The following TTC7B variants were observed in gnomAD, a reference collection of about 807,000 sequenced individuals.
TTC7B encodes the protein tetratricopeptide repeat protein 7B.
In TTC7B, 28 loss-of-function variants were observed where a neutral mutation model predicts 106.8. The ratio of observed to expected loss-of-function variants is 0.26; its 90% CI spans 0.19 to 0.36. TTC7B has a LOEUF of 0.36. Ranked by LOEUF, TTC7B falls within the 10% of genes least tolerant of loss-of-function variation. The pLI is 1.00. For missense variants in TTC7B, 862 were observed against 1,076.4 expected (o/e 0.80, Z 2.79); for synonymous variants, 405 against 430.6 (o/e 0.94, Z 0.74).
intron 5 of TTC7B, among the ~76,000 whole-genome samples, chr14:90,716,964 C>A (rs571394743): frequency 6.6e-6 from 1 of 152,220 alleles, no homozygotes; most frequent in East Asian, 1.9e-4. Flanking sequence ...CCTGGAGAAC[C>A]ATCACCAGAA....
At chr14:90,619,278 A>G (rs1336534681) in intron 15 of TTC7B, among the ~76,000 whole-genome samples, 1 of 151,996 alleles carries the variant, frequency 6.6e-6, no homozygotes, top group Non-Finnish European at 1.5e-5. Flanking sequence ...TCTGTATCTC[A>G]TCGTTTAAGG....
chr14:90,706,987 AT>A (rs766649107), intron 5 of TTC7B, among the ~76,000 whole-genome samples: 19 of 152,216 alleles, frequency 1.2e-4, no homozygotes, highest in Admixed American at 2.6e-4. Context: ...TTCCAATTTG[AT>A]TATTCAAATT....
chr14:90,804,719 C>A (rs567544836), intron 1 of TTC7B, among the ~76,000 whole-genome samples: 1 of 152,218 alleles, frequency 6.6e-6, no homozygotes, highest in Non-Finnish European at 1.5e-5. Context: ...GGTCCCAGGG[C>A]TTGGCACCTG....
chr14:90,780,654 G>A, intron 3 of TTC7B, 84 bp downstream of exon 3: 1 of 1,486,362 alleles, frequency 6.7e-7, no homozygotes, highest in East Asian at 2.3e-5. Context: ...CACCAGCCAA[G>A]GGCCAAGGGT....
At position 90,757,650 on chromosome 14, in the gene TTC7B, T is replaced by A. The variant is rs1890347424; in HGVS notation, c.446-12728A>T. Among the ~76,000 whole-genome samples the A allele has an allele frequency of 6.6e-6, 1 of 152,140 alleles. No individual in the cohort carries two copies. Among genetic ancestry groups the A allele is most frequent in the Admixed American group, 6.5e-5 (1 of 15,284 alleles). Reference sequence around the variant, plus strand: ...ACACAGCTCCCAACAGACTGGAGACTTTTTCTGCCGGGGAAAAGGCAATGT... The same window carrying A: ...ACACAGCTCCCAACAGACTGGAGACATTTTCTGCCGGGGAAAAGGCAATGT... On this transcript the variant is annotated intron_variant, in intron 3 of 19. Coordinates refer to ENST00000328459, the MANE Select transcript of TTC7B (RefSeq NM_001010854.2). The surrounding 1 kb of genome is among the most constrained non-coding windows in gnomAD (Gnocchi z 4.1).
intron 19 of TTC7B, among the ~76,000 whole-genome samples, chr14:90,561,196 C>T (rs181206578): frequency 1.3e-5 from 2 of 152,310 alleles, no homozygotes; most frequent in Non-Finnish European, 2.9e-5. Flanking sequence ...TGAAGAAAGA[C>T]GCGGCATCAC....
chr14:90,637,805 C>T (rs1011953439), intron 15 of TTC7B, among the ~76,000 whole-genome samples: 4 of 152,172 alleles, frequency 2.6e-5, no homozygotes, highest in African/African-American at 9.7e-5. Context: ...AATCTGCTAT[C>T]GTTTCATCAT....
chr14:90,722,387 A>T (rs1464979758), intron 5 of TTC7B, among the ~76,000 whole-genome samples: 2 of 152,282 alleles, frequency 1.3e-5, no homozygotes, highest in East Asian at 1.9e-4. Context: ...CTCTGGTGGC[A>T]CTAGATTCCT....
chr14:90,689,818 C>G, intron 6 of TTC7B, 106 bp from the exon 7 acceptor site: 2 of 1,251,154 alleles, frequency 1.6e-6, no homozygotes, highest in Non-Finnish European at 2.1e-6. Context: ...CTAAGCACTA[C>G]TGCAAGGCTC....
chr14:90,651,077 A>G (rs530556301), intron 13 of TTC7B, among the ~76,000 whole-genome samples: 1 of 152,368 alleles, frequency 6.6e-6, no homozygotes, highest in African/African-American at 2.4e-5. Flanking sequence ...TGGGGAGAAT[A>G]TTTAAAACAA....
Position 90,577,281 on chromosome 14 carries a change from G to A in TTC7B, c.2310+825C>T, listed in dbSNP as rs192287084. On this transcript the variant is annotated intron_variant, in intron 19 of 19. Transcript: ENST00000328459. This position sits in a 1 kb window ranked among gnomAD's most constrained non-coding sequence, Gnocchi z 5.0. ...AGCTCCTCAGACCCTGGTAACTTGT[G>A]AGTTTCAATTCAGACCCTCGCAGGA... is the stretch of plus-strand genomic sequence containing the variant. Among the ~76,000 whole-genome samples, 2 of 152,356 alleles carry A rather than the reference G, an allele frequency of 1.3e-5. No homozygotes were observed. The highest frequency in any genetic ancestry group is 2.4e-5 in the African/African-American group (1 of 41,582).
In TTC7B at chr14:90,816,388, GGGCTCC is replaced by G. The variant is rs1243086453; in HGVS notation, c.-99_-94del. 14 of 687,326 alleles carry G rather than the reference GGGCTCC, an allele frequency of 2.0e-5. No homozygotes were observed. The highest frequency in any genetic ancestry group is 2.5e-5 in the Non-Finnish European group (14 of 561,278). 42.6% of individuals were successfully genotyped at this position (687,326 alleles called of 1,614,324 possible). On this transcript the variant is annotated 5_prime_UTR_variant, in exon 1 of 20. Transcript: ENST00000328459. The stretch of plus-strand genomic sequence containing the variant: ...CGCCTCCCGCCGCCGCCGCGGGCTC[GGGCTCC>G]GGCTCCCGGCTCCGCGGCGTAACGG...
In TTC7B at chr14:90,577,180, A is replaced by C. The variant is rs1402729933; in HGVS notation, c.2310+926T>G. 6.6e-6 allele frequency among the ~76,000 whole-genome samples: 1 copy of C among 152,202 alleles called. No homozygotes were observed. The highest frequency in any genetic ancestry group is 1.9e-4 in the East Asian group (1 of 5,190). Reference sequence around the variant, plus strand: ...GCGGTTCATGACATCAGCGATGTCTACTGCTAAAAATGAAACAACAATTCA... The same window carrying C: ...GCGGTTCATGACATCAGCGATGTCTCCTGCTAAAAATGAAACAACAATTCA... On this transcript the variant is annotated intron_variant, in intron 19 of 19. Transcript: ENST00000328459. The surrounding 1 kb of genome is among the most constrained non-coding windows in gnomAD (Gnocchi z 5.0).
intron 5 of TTC7B, among the ~76,000 whole-genome samples, chr14:90,711,401 A>G (rs1013433096): frequency 6.6e-6 from 1 of 152,218 alleles, no homozygotes; most frequent in African/African-American, 2.4e-5. Flanking sequence ...TTAAAGATAT[A>G]TATTATAATC....
At chr14:90,636,429 A>T (rs1884946837) in intron 15 of TTC7B, among the ~76,000 whole-genome samples, 1 of 10,536 alleles carries the variant, frequency 9.5e-5, no homozygotes, top group Non-Finnish European at 7.4e-4. Flanking sequence ...CGATGTGGTA[A>T]AAAAAAAAAA....
intron 4 of TTC7B, among the ~76,000 whole-genome samples, chr14:90,744,333 A>T (rs561565954): frequency 6.6e-6 from 1 of 152,022 alleles, no homozygotes; most frequent in Non-Finnish European, 1.5e-5. Context: ...TTTTTTTATG[A>T]GATGGAGTTT....
At chr14:90,568,228 G>A (rs1294321610) in intron 19 of TTC7B, among the ~76,000 whole-genome samples, 2 of 152,140 alleles carry the variant, frequency 1.3e-5, no homozygotes, top group Non-Finnish European at 2.9e-5. Context: ...AGTAAGGAGC[G>A]GGAATCGGGA....
intron 5 of TTC7B, among the ~76,000 whole-genome samples, chr14:90,725,358 A>G (rs923779509): frequency 2.0e-5 from 3 of 152,128 alleles, no homozygotes; most frequent in Non-Finnish European, 2.9e-5. Flanking sequence ...CTGCTGTTGT[A>G]TCTGAGACAT....
chr14:90,797,416 C>A, intron 1 of TTC7B, among the ~76,000 whole-genome samples: 1 of 150,228 alleles, frequency 6.7e-6, no homozygotes, highest in Admixed American at 6.8e-5. Flanking sequence ...CGAGATGTCT[C>A]CACTGTACTC....
Sources: gnomAD v4.1 joint callset for allele counts (sites outside exome capture counted in the v4.1 genomes callset) on GRCh38, gnomAD v4.1.1 for gene constraint, Gnocchi (gnomAD v3.1) non-coding constraint, MANE v1.5 for transcripts, NCBI Gene and HGNC (gene_info 2026-07-23, HGNC 2026-07-21) for gene names.